Variants in EPB42 observed in about 807,000 individuals in gnomAD.
EPB42 encodes protein 4.2.
EPB42 carries 49 observed loss-of-function variants against 76.9 expected under a neutral mutation model. The observed-to-expected ratio is 0.64, with a 90% CI of 0.51 to 0.81. EPB42 has a LOEUF of 0.81. Ranked by LOEUF, EPB42 falls within the 30% of genes least tolerant of loss-of-function variation. EPB42 has a pLI of 0.00. For missense variants in EPB42, 731 were observed against 867.6 expected, an observed-to-expected ratio of 0.84 and a Z score of 1.98; for synonymous variants, 310 against 338.4, an observed-to-expected ratio of 0.92 and a Z score of 0.92.
intron 7 of EPB42, 79 bp downstream of exon 7, chr15:43,208,558 G>T (rs1439692790): frequency 8.2e-6 from 13 of 1,590,082 alleles, no homozygotes; most frequent in Admixed American, 1.7e-5. Flanking sequence ...CATGCAGGGG[G>T]TGGGGCTCCT....
Position 43,206,593 on chromosome 15 carries a change from T to C in EPB42, c.1355A>G (p.Glu452Gly), listed in dbSNP as rs1171955616. Reference protein sequence around the residue: ...LQEKEVLERVEKEKMEREKDN... With the variant: ...LQEKEVLERVGKEKMEREKDN... The stretch of plus-strand genomic sequence containing the variant: ...TTTCTCACGTTCCATTTTCTCTTTC[T>C]CGACTCTCTCCAGCACCTCTTTTTC... The change falls in exon 10 of 13, where the codon GAG becomes GGG. Residue 452 changes from glutamate to glycine, a missense_variant. Glu to Gly is a moderately conservative substitution (Grantham distance 98, BLOSUM62 -2). Transcript: ENST00000441366. The surrounding 1 kb of genome is among the most constrained non-coding windows in gnomAD (Gnocchi z 4.7). 3 of 1,614,166 alleles carry C rather than the reference T, an allele frequency of 1.9e-6. No individual in the cohort carries two copies. Among genetic ancestry groups the C allele is most frequent in the South Asian group, 2.2e-5 (2 of 91,076 alleles).
At chr15:43,205,403 G>GT (rs949237293) in intron 10 of EPB42, among the ~76,000 whole-genome samples, 10 of 151,838 alleles carry the variant, frequency 6.6e-5, no homozygotes, top group East Asian at 1.9e-4. Flanking sequence ...TGGAGTTTTT[G>GT]TTTTTTTTCT....
At chr15:43,213,044 CA>C (rs1187317875) in intron 3 of EPB42, among the ~76,000 whole-genome samples, 2 of 152,190 alleles carry the variant, frequency 1.3e-5, no homozygotes, top group South Asian at 4.1e-4. Flanking sequence ...CCTAAAATTA[CA>C]GACCCATATG....
upstream of EPB42, among the ~76,000 whole-genome samples, chr15:43,221,918 G>A (rs773429930): frequency 2.6e-5 from 4 of 151,774 alleles, no homozygotes; most frequent in African/African-American, 9.7e-5. Context: ...CAAGTCAGGC[G>A]GATCACCTGA....
At position 43,203,014 on chromosome 15, in the gene EPB42, T is replaced by C. The variant is rs1863601; in HGVS notation, c.1779+101A>G. 21,598 of 1,432,564 alleles carry C rather than the reference T, an allele frequency of 0.015. 1,656 individuals carry two copies. The African/African-American group carries it at 0.19, about 13-fold the overall frequency. The allele number at this position is 1,432,564 out of a possible 1,614,324, so 88.7% of individuals were successfully genotyped here. On this transcript the variant is annotated intron_variant, in intron 11 of 12. Coordinates refer to ENST00000441366, the MANE Select transcript of EPB42 (RefSeq NM_001114134.2). ...TTAAATGTAGCATTTTCTGGTAATC[T>C]TGCAGCACAGTCATCTGCTCTGAAG...
At chr15:43,212,207 A>G (rs1241315348) in intron 3 of EPB42, among the ~76,000 whole-genome samples, 1 of 152,082 alleles carries the variant, frequency 6.6e-6, no homozygotes, top group Non-Finnish European at 1.5e-5. Flanking sequence ...GTCTCTACTA[A>G]AAATACAAAA....
chr15:43,206,458 A>G lies in EPB42; in HGVS notation c.1490T>C (p.Leu497Pro), dbSNP rs777280441. The G allele has an allele frequency of 1.2e-6, 2 of 1,614,210 alleles. No homozygotes were observed. The highest frequency in any genetic ancestry group is 1.3e-5 in the African/African-American group (1 of 75,058). ...CTTCTCCTGCTCACTGTGATTAACC[A>G]GCGTCACTGAGATCTGGGCATCCCC... ...LRGDAQISVTLVNHSEQEKAV... is the reference protein window; with the variant it reads ...LRGDAQISVTPVNHSEQEKAV... The change falls in exon 10 of 13, where the codon CTG becomes CCG. Residue 497 changes from leucine to proline, a missense_variant. Physicochemically the swap from Leu to Pro is moderately conservative, Grantham distance 98 (BLOSUM62 -3). Transcript: ENST00000441366. This position sits in a 1 kb window ranked among gnomAD's most constrained non-coding sequence, Gnocchi z 4.7.
upstream of EPB42, among the ~76,000 whole-genome samples, chr15:43,224,244 C>A (rs1566822913): frequency 6.6e-6 from 1 of 152,172 alleles, no homozygotes; most frequent in African/African-American, 2.4e-5. Context: ...ATAAGGACAT[C>A]ATTCCTATTG....
chr15:43,213,234 C>T (rs1435251266), intron 3 of EPB42, among the ~76,000 whole-genome samples: 1 of 152,182 alleles, frequency 6.6e-6, no homozygotes, highest in African/African-American at 2.4e-5. Context: ...GCCTCCTCCT[C>T]TCTGCTTGGG....
At position 43,209,365 on chromosome 15, in the gene EPB42, G is replaced by T. The variant is rs115626075; in HGVS notation, c.741C>A (p.Gly247=). 425 of 1,614,086 alleles carry T rather than the reference G, an allele frequency of 2.6e-4. 3 individuals carry two copies. The African/African-American group carries it at 4.9e-3, about 18-fold the overall frequency. ...QEGALLNKRR[G]SVPILRQWLT... is the part of the protein sequence containing the mutation. ...GCCACTGCCGCAGGATGGGCACGCT[G>T]CCCCGGCGCTTGTTCAGCAAGGCCC... The change falls in exon 6 of 13, where the codon GGC becomes GGA. Residue 247 remains glycine (G), a synonymous_variant. Coordinates refer to ENST00000441366, the MANE Select transcript of EPB42 (RefSeq NM_001114134.2).
rs1662518135 is a variant in EPB42, at chr15:43,207,104, C to T, written c.1318+95G>A. 9 of 1,564,866 alleles carry T rather than the reference C, an allele frequency of 5.8e-6. No individual in the cohort carries two copies. The South Asian group carries it at 1.0e-4, about 18-fold the overall frequency. ...CCTGTTTTATATGATGCGGAAAGGA[C>T]AAGTCTCTTTCTGGCTGCATCTACC... On this transcript the variant is annotated intron_variant, in intron 9 of 12. Coordinates refer to ENST00000441366, the MANE Select transcript of EPB42 (RefSeq NM_001114134.2).
In EPB42 at chr15:43,212,341, C is replaced by T. The variant is rs2042311139; in HGVS notation, c.431-807G>A. 2.9e-5 allele frequency among the ~76,000 whole-genome samples: 4 copies of T among 136,154 alleles called. No homozygotes were observed. In the South Asian group the frequency reaches 9.1e-4, roughly 31 times the overall value. 89.3% of individuals were successfully genotyped at this position (136,154 alleles called of 152,430 possible). On this transcript the variant is annotated intron_variant, in intron 3 of 12. Transcript: ENST00000441366. ...CTGAGATCATGCCATCGCACTCCAG[C>T]TTGGGCAACAAGAGTGAAACTCCGT...
chr15:43,225,639 C>G (rs906666666), upstream of EPB42, among the ~76,000 whole-genome samples: 9 of 152,144 alleles, frequency 5.9e-5, no homozygotes, highest in African/African-American at 2.2e-4. Context: ...AGCTTCTATT[C>G]CAGCAGGGGG....
In EPB42 at chr15:43,204,974, C is replaced by A. The variant is rs201503678; in HGVS notation, c.1618+1356G>T. On this transcript the variant is annotated intron_variant, in intron 10 of 12. Coordinates refer to ENST00000441366, the MANE Select transcript of EPB42 (RefSeq NM_001114134.2). ...AAGGCTGCCCCCTCCGCCCCCCCCCCAAAAAAAAGTTCCCAAGATGACTCA... is the reference window on the plus strand; with the variant it reads ...AAGGCTGCCCCCTCCGCCCCCCCCCAAAAAAAAAGTTCCCAAGATGACTCA... 4.0e-3 allele frequency among the ~76,000 whole-genome samples: 586 copies of A among 145,232 alleles called. 11 individuals are homozygous for A. The highest frequency in any genetic ancestry group is 0.034 in the East Asian group (169 of 4,912).
chr15:43,217,357 A>G (rs1351067412), intron 1 of EPB42, among the ~76,000 whole-genome samples: 2 of 152,330 alleles, frequency 1.3e-5, no homozygotes, highest in African/African-American at 4.8e-5. Context: ...CCCCAGGAGC[A>G]GAAGCTTGTA....
chr15:43,215,222 G>A lies in EPB42; in HGVS notation c.303C>T (p.Ser101=). The A allele has an allele frequency of 1.2e-6, 2 of 1,614,198 alleles. No individual in the cohort carries two copies. The highest frequency in any genetic ancestry group is 1.1e-5 in the South Asian group (1 of 91,084). Residue 101 remains serine, a synonymous_variant, in exon 3 of 13, where the codon TCC becomes TCT. Coordinates refer to ENST00000441366, the MANE Select transcript of EPB42 (RefSeq NM_001114134.2). Reference sequence around the variant, plus strand: ...CAGGTGTGGTCACAGAGATGGTCCAGGACTGGGCATCTCTCTCCTCCACCA... The same window carrying A: ...CAGGTGTGGTCACAGAGATGGTCCAAGACTGGGCATCTCTCTCCTCCACCA... ...SAVVEERDAQ[S]WTISVTTPAD...
Position 43,216,463 on chromosome 15 carries a change from G to A in EPB42, c.11-10C>T. 6.2e-7 allele frequency: 1 copy of A among 1,613,932 alleles called. No homozygotes were observed. The highest frequency in any genetic ancestry group is 8.5e-7 in the Non-Finnish European group (1 of 1,180,014). ...CTCTTGATACCCAGGGCTGTTGTGG[G>A]AAAGAGAGAAGTCACGGAAACTAAG... On this transcript the variant is annotated splice_polypyrimidine_tract_variant and intron_variant, in intron 1 of 12. Coordinates refer to ENST00000441366, the MANE Select transcript of EPB42 (RefSeq NM_001114134.2).
At chr15:43,204,517 C>G (rs1310847183) in intron 10 of EPB42, among the ~76,000 whole-genome samples, 1 of 152,168 alleles carries the variant, frequency 6.6e-6, no homozygotes, top group Non-Finnish European at 1.5e-5. Flanking sequence ...GCTCCACTTG[C>G]GTGTGTCACG....
At chr15:43,220,719 C>G (rs372291145) in intron 1 of EPB42, 97 bp downstream of exon 1, 1 of 1,610,792 alleles carries the variant, frequency 6.2e-7, no homozygotes, top group Non-Finnish European at 8.5e-7. Flanking sequence ...ACCATCTCCC[C>G]GCCTACCATC....
Sources: gnomAD v4.1 joint callset for allele counts (sites outside exome capture counted in the v4.1 genomes callset) on GRCh38, gnomAD v4.1.1 for gene constraint, Gnocchi (gnomAD v3.1) non-coding constraint, MANE v1.5 for transcripts, NCBI Gene and HGNC (gene_info 2026-07-23, HGNC 2026-07-21) for gene names.